Variants in DYNLT5 observed in about 807,000 individuals in gnomAD.
DYNLT5 encodes the protein dynein light chain Tctex-type 5.
In DYNLT5, 25 loss-of-function variants were observed where a neutral mutation model predicts 19.3. That is an observed-to-expected ratio of 1.30 (90% CI 0.95 to 1.81). The LOEUF is 1.81. DYNLT5 is among the 40% of genes most tolerant of loss of function. DYNLT5 has a pLI of 0.00. For synonymous variants in DYNLT5, 82 were observed against 68.9 expected, an observed-to-expected ratio of 1.19 and a Z score of -0.94; for missense variants, 232 against 217.9, an observed-to-expected ratio of 1.06 and a Z score of -0.41.
chr1:66,772,413 C>T (rs1407864236), intron 3 of DYNLT5, among the ~76,000 whole-genome samples: 1 of 152,206 alleles, frequency 6.6e-6, no homozygotes, highest in Admixed American at 6.5e-5. Flanking sequence ...CAGTAATTAC[C>T]GCTGGGACAG....
chr1:66,770,960 C>T (rs142614760), intron 3 of DYNLT5: 48 of 177,902 alleles, frequency 2.7e-4, no homozygotes, highest in East Asian at 2.4e-3. Flanking sequence ...TTGCACCTGC[C>T]GCTATACTCC....
At chr1:66,775,715 A>G (rs1307062817) in intron 3 of DYNLT5, 1 of 152,290 alleles carries the variant, frequency 6.6e-6, no homozygotes, top group Admixed American at 6.5e-5. Context: ...GTCTTGAAAC[A>G]TGAGTGGCTG....
chr1:66,773,709 A>G (rs959067129), intron 3 of DYNLT5, among the ~76,000 whole-genome samples: 1 of 152,242 alleles, frequency 6.6e-6, no homozygotes, highest in Non-Finnish European at 1.5e-5. Context: ...AGGCCCACAT[A>G]CATTAAGTAA....
intron 2 of DYNLT5, among the ~76,000 whole-genome samples, chr1:66,758,857 G>A (rs572137007): frequency 2.6e-5 from 4 of 151,968 alleles, no homozygotes; most frequent in Admixed American, 6.6e-5. Context: ...AGCTGTTTAC[G>A]GGCAATTGAA....
intron 3 of DYNLT5, among the ~76,000 whole-genome samples, chr1:66,775,736 G>A (rs533088959): frequency 1.3e-5 from 2 of 152,276 alleles, no homozygotes; most frequent in South Asian, 4.1e-4. Flanking sequence ...TTTCTCAGAT[G>A]AACAAGATGG....
chr1:66,754,517 T>A, intron 1 of DYNLT5, 139 bp from the exon 2 acceptor site: 1 of 741,236 alleles, frequency 1.3e-6, no homozygotes, highest in Non-Finnish European at 1.9e-6. Context: ...ATTCTATATA[T>A]TGCTCTTGAG....
intron 2 of DYNLT5, among the ~76,000 whole-genome samples, chr1:66,767,678 A>C (rs528915520): frequency 1.4e-4 from 21 of 152,236 alleles, no homozygotes; most frequent in Non-Finnish European, 2.8e-4. Flanking sequence ...GTTTAAACAA[A>C]ATAGAAATTT....
chr1:66,758,175 T>G (rs2094639861), intron 2 of DYNLT5, among the ~76,000 whole-genome samples: 1 of 152,228 alleles, frequency 6.6e-6, no homozygotes, highest in Admixed American at 6.5e-5. Flanking sequence ...TGGCAATCCA[T>G]GTGTGATTTG....
intron 2 of DYNLT5, among the ~76,000 whole-genome samples, chr1:66,767,291 GT>G (rs1425188601): frequency 2.0e-5 from 3 of 152,094 alleles, no homozygotes; most frequent in African/African-American, 7.2e-5. Context: ...GTCTTGCTCT[GT>G]TGCCCAGGCT....
At chr1:66,771,211 G>A (rs566029223) in intron 3 of DYNLT5, among the ~76,000 whole-genome samples, 2 of 152,328 alleles carry the variant, frequency 1.3e-5, no homozygotes, top group East Asian at 3.9e-4. Context: ...TGGCCTTGTA[G>A]CCAGTTTTCT....
Position 66,759,456 on chromosome 1 carries a change from T to G in DYNLT5, c.119+4679T>G, listed in dbSNP as rs559340051. ...TAACCACAATAAAATCTAGGGCTTC[T>G]GCTCAACAAAGGATACAATAGACAT... On this transcript the variant is annotated intron_variant, in intron 2 of 4. Transcript: ENST00000282670. 5.9e-5 allele frequency among the ~76,000 whole-genome samples: 9 copies of G among 152,316 alleles called. No individual in the cohort carries two copies. The South Asian group carries it at 1.9e-3, about 32-fold the overall frequency.
Position 66,759,510 on chromosome 1 carries a change from AC to A in DYNLT5, c.119+4734del, listed in dbSNP as rs1358432063. ...TAATAGGCTGGCTGAAGATACATACACGTTTTTTTAAACCCTGTACATTAAC... is the reference window on the plus strand; with the variant it reads ...TAATAGGCTGGCTGAAGATACATACAGTTTTTTTAAACCCTGTACATTAAC... On this transcript the variant is annotated intron_variant, in intron 2 of 4. Transcript: ENST00000282670. Among the ~76,000 whole-genome samples, 14 of 152,322 alleles carry A rather than the reference AC, an allele frequency of 9.2e-5. 1 individual carries two copies. The highest frequency in any genetic ancestry group is 6.2e-4 in the South Asian group (3 of 4,828).
intron 2 of DYNLT5, among the ~76,000 whole-genome samples, chr1:66,769,776 G>A (rs897124388): frequency 2.0e-5 from 3 of 152,068 alleles, no homozygotes; most frequent in Admixed American, 6.6e-5. Context: ...CCTTGATAAC[G>A]AAACCAAAAC....
intron 4 of DYNLT5, 86 bp downstream of exon 4, chr1:66,776,489 A>G: frequency 6.8e-7 from 1 of 1,467,702 alleles, no homozygotes; most frequent in Admixed American, 2.2e-5. Context: ...TGATGAGGGG[A>G]ATTAATTTGC....
intron 3 of DYNLT5, among the ~76,000 whole-genome samples, chr1:66,773,475 C>T (rs186638954): frequency 1.4e-4 from 22 of 152,314 alleles, no homozygotes; most frequent in Admixed American, 3.3e-4. Context: ...TCCAGACTTA[C>T]GTCCTCTTTC....
In DYNLT5 at chr1:66,755,051, G is replaced by A. The variant is rs144636306; in HGVS notation, c.119+274G>A. On this transcript the variant is annotated intron_variant, in intron 2 of 4. Coordinates refer to ENST00000282670, the MANE Select transcript of DYNLT5 (RefSeq NM_152665.3). ...ACCACATGCAATGTAAACCAGACAC[G>A]CTTATATGTCTTTTGAGTTCTTCTC... 3.1e-3 allele frequency among the ~76,000 whole-genome samples: 471 copies of A among 152,174 alleles called. 3 individuals carry two copies. The highest frequency in any genetic ancestry group is 0.01 in the African/African-American group (430 of 41,532).
intron 2 of DYNLT5, among the ~76,000 whole-genome samples, chr1:66,763,586 A>G (rs948364468): frequency 6.6e-6 from 1 of 152,250 alleles, no homozygotes; most frequent in African/African-American, 2.4e-5. Context: ...AACTTGCTGC[A>G]GCTTCTACAT....
intron 2 of DYNLT5, among the ~76,000 whole-genome samples, chr1:66,767,725 A>T (rs767593990): frequency 2.6e-5 from 4 of 152,242 alleles, no homozygotes; most frequent in Non-Finnish European, 4.4e-5. Flanking sequence ...GAAGAGAGGA[A>T]GTTCAGAGGC....
At position 66,756,033 on chromosome 1, in the gene DYNLT5, C is replaced by G. The variant is rs1318403923; in HGVS notation, c.119+1256C>G. The stretch of plus-strand genomic sequence containing the variant: ...TTTACTTATCTTTTCCCCTTCAAAA[C>G]AAATTTGTCATATAGAATCAGAGTG... On this transcript the variant is annotated intron_variant, in intron 2 of 4. Coordinates refer to ENST00000282670, the MANE Select transcript of DYNLT5 (RefSeq NM_152665.3). Among the ~76,000 whole-genome samples the G allele has an allele frequency of 2.6e-5, 4 of 152,056 alleles. No homozygotes were observed. The East Asian group carries it at 7.7e-4, about 29-fold the overall frequency.
Sources: allele counts gnomAD v4.1 joint callset (sites outside exome capture counted in the v4.1 genomes callset), GRCh38; gene constraint gnomAD v4.1.1; transcripts MANE v1.5; gene names NCBI Gene and HGNC (gene_info 2026-07-23, HGNC 2026-07-21).